The following ARHGEF37 variants were observed in gnomAD, a reference collection of about 807,000 sequenced individuals.
ARHGEF37 encodes Rho guanine nucleotide exchange factor 37, also known as Rho guanine nucleotide exchange factor (GEF) 37.
ARHGEF37 carries 55 observed loss-of-function variants against 71.1 expected under a neutral mutation model. That is an observed-to-expected ratio of 0.77 (90% CI 0.62 to 0.97). The LOEUF is 0.97. Ranked by LOEUF, ARHGEF37 falls within the 50% of genes least tolerant of loss-of-function variation. ARHGEF37 has a pLI of 0.00. For synonymous variants in ARHGEF37, 327 were observed against 350.6 expected (o/e 0.93, Z 0.75); for missense variants, 765 against 836.8 (o/e 0.91, Z 1.06).
intron 3 of ARHGEF37, 67 bp from the exon 4 acceptor site, chr5:149,609,481 C>A: frequency 6.3e-7 from 1 of 1,577,150 alleles, no homozygotes; most frequent in Non-Finnish European, 8.7e-7. Flanking sequence ...CTTACTGCCT[C>A]CCTGTTCCAA....
At chr5:149,575,483 C>A (rs986471377) in intron 1 of ARHGEF37, among the ~76,000 whole-genome samples, 1 of 152,148 alleles carries the variant, frequency 6.6e-6, no homozygotes, top group African/African-American at 2.4e-5. Flanking sequence ...TCCCTCTAGG[C>A]CAGTGATTGG....
At chr5:149,556,964 G>C (rs945344156) in intron 1 of ARHGEF37, among the ~76,000 whole-genome samples, 2 of 152,240 alleles carry the variant, frequency 1.3e-5, no homozygotes, top group African/African-American at 4.8e-5. Flanking sequence ...GTCTTGGATA[G>C]TGATGCCATT....
intron 1 of ARHGEF37, among the ~76,000 whole-genome samples, chr5:149,565,159 G>A (rs1423495318): frequency 2.6e-5 from 4 of 152,122 alleles, no homozygotes; most frequent in Non-Finnish European, 4.4e-5. Context: ...CCAAATTAGG[G>A]CACATCAATT....
intron 1 of ARHGEF37, among the ~76,000 whole-genome samples, chr5:149,555,247 A>G (rs1762738189): frequency 6.6e-6 from 1 of 152,104 alleles, no homozygotes; most frequent in South Asian, 2.1e-4. Context: ...AAAATTTTAG[A>G]CCTTGAGGGA....
In ARHGEF37 at chr5:149,628,842, A is replaced by C. The variant is rs1347514993; in HGVS notation, c.1694A>C (p.Gln565Pro). The change falls in exon 12 of 13, where the codon CAG becomes CCG. Residue 565 changes from glutamine to proline, a missense_variant. Physicochemically the swap from Gln to Pro is moderately conservative, Grantham distance 76. Around this residue, in one of 5 missense-constraint regions of ARHGEF37, gnomAD observed 390 missense variants for 407.4 expected, o/e 0.96. Coordinates refer to ENST00000333677, the MANE Select transcript of ARHGEF37 (RefSeq NM_001001669.3). The part of the protein sequence containing the change: ...HRGYVPAGKL[Q>P]LYHVVPSAEE... ...GGGTATGTGCCGGCTGGGAAACTAC[A>C]GCTGTACCATGTGGTCCCCAGTGCA... 1 of 1,613,586 alleles carries C rather than the reference A, an allele frequency of 6.2e-7. No homozygotes were observed. Among genetic ancestry groups the C allele is most frequent in the East Asian group, 2.2e-5 (1 of 44,898 alleles).
chr5:149,570,239 C>T (rs1214295807), intron 1 of ARHGEF37, among the ~76,000 whole-genome samples: 1 of 152,110 alleles, frequency 6.6e-6, no homozygotes, highest in Non-Finnish European at 1.5e-5. Flanking sequence ...AGTTATATGT[C>T]TCTATACTAG....
Position 149,590,877 on chromosome 5 carries a change from G to A in ARHGEF37, c.-11-6882G>A, listed in dbSNP as rs367751282. On this transcript the variant is annotated intron_variant, in intron 1 of 12. Transcript: ENST00000333677. ...TCCTCCCAAAGTTCTGGGATTATAG[G>A]TGTGTTCTGTAATTTAATTGAGGTG... Among the ~76,000 whole-genome samples the A allele has an allele frequency of 1.0e-3, 153 of 152,204 alleles. 2 individuals carry two copies. Among genetic ancestry groups the A allele is most frequent in the African/African-American group, 3.5e-3 (146 of 41,526 alleles).
chr5:149,626,284 ACACG>A (rs369306632), intron 10 of ARHGEF37, among the ~76,000 whole-genome samples: 14,565 of 139,604 alleles, frequency 0.1, 807 homozygotes, highest in Middle Eastern at 0.25. Flanking sequence ...ACACACACAC[ACACG>A]CCTCTCTCAA....
chr5:149,573,389 CTT>C (rs1762990185), intron 1 of ARHGEF37, among the ~76,000 whole-genome samples: 1 of 152,192 alleles, frequency 6.6e-6, no homozygotes, highest in African/African-American at 2.4e-5. Flanking sequence ...TGTATACACA[CTT>C]TGTTAGTTCT....
chr5:149,602,986 G>GT (rs1763802039), intron 3 of ARHGEF37, among the ~76,000 whole-genome samples: 1 of 152,084 alleles, frequency 6.6e-6, no homozygotes, highest in Non-Finnish European at 1.5e-5. Context: ...AGGCTGGAGT[G>GT]CGATGGCATG....
At chr5:149,615,603 T>A (rs1752354366) in intron 4 of ARHGEF37, among the ~76,000 whole-genome samples, 1 of 151,992 alleles carries the variant, frequency 6.6e-6, no homozygotes, top group Admixed American at 6.6e-5. Context: ...TTAAGAACAT[T>A]TTTTTTGGTC....
rs1425780525 is a variant in ARHGEF37, at chr5:149,623,976, T to C, written c.1336-36T>C. 3 of 1,565,530 alleles carry C rather than the reference T, an allele frequency of 1.9e-6. No homozygotes were observed. The Admixed American group carries it at 5.4e-5, about 28-fold the overall frequency. On this transcript the variant is annotated intron_variant, in intron 9 of 12. Transcript: ENST00000333677. Reference sequence around the variant, plus strand: ...AGCCAGGGATCTCATTGTCCCCTCTTGCCCAGCTCTGTTGACAGTGTCTGT... The same window carrying C: ...AGCCAGGGATCTCATTGTCCCCTCTCGCCCAGCTCTGTTGACAGTGTCTGT...
intron 3 of ARHGEF37, 138 bp from the exon 4 acceptor site, chr5:149,609,410 A>G (rs1764007660): frequency 2.2e-6 from 2 of 899,260 alleles, no homozygotes; most frequent in Non-Finnish European, 1.7e-6. Flanking sequence ...AGATGAGGTC[A>G]TTTGCCCATG....
chr5:149,595,346 CA>C (rs886807294), intron 1 of ARHGEF37, among the ~76,000 whole-genome samples: 2 of 151,890 alleles, frequency 1.3e-5, no homozygotes, highest in African/African-American at 2.4e-5. Context: ...TGACTAATTA[CA>C]AAAAAATTTT....
intron 1 of ARHGEF37, among the ~76,000 whole-genome samples, chr5:149,573,601 G>A (rs923346779): frequency 1.3e-5 from 2 of 152,078 alleles, no homozygotes; most frequent in African/African-American, 4.8e-5. Flanking sequence ...AATTGTGTGT[G>A]TGTGTTTACT....
Position 149,624,074 on chromosome 5 carries a change from G to A in ARHGEF37, c.1398G>A (p.Arg466=), listed in dbSNP as rs375970760. 1.4e-5 allele frequency: 23 copies of A among 1,611,992 alleles called. No homozygotes were observed. The African/African-American group carries it at 3.1e-4, about 22-fold the overall frequency. The change falls in exon 10 of 13, where the codon CGG becomes CGA. Residue 466 remains arginine, a synonymous_variant. Coordinates refer to ENST00000333677, the MANE Select transcript of ARHGEF37 (RefSeq NM_001001669.3). ...FRKLVEDALG[R]TSNQLRSFQE... The stretch of plus-strand genomic sequence containing the variant: ...AGCTGGTGGAGGACGCACTGGGCCG[G>A]ACGAGTAACCAGCTTCGCTCCTTTC...
chr5:149,627,164 G>C lies in ARHGEF37; in HGVS notation c.1553G>C (p.Ser518Thr). 1.2e-6 allele frequency: 2 copies of C among 1,614,180 alleles called. No homozygotes were observed. Among genetic ancestry groups the C allele is most frequent in the African/African-American group, 2.7e-5 (2 of 75,068 alleles). The change falls in exon 11 of 13, where the codon AGT becomes ACT. Residue 518 changes from serine to threonine, a missense_variant. Ser to Thr is a moderately conservative substitution (Grantham distance 58, BLOSUM62 1). Around this residue, in one of 5 missense-constraint regions of ARHGEF37, gnomAD observed 390 missense variants for 407.4 expected, o/e 0.96. Transcript: ENST00000333677. ...CTGTACCAGGTGACAAGCAACATCA[G>C]TGGGACTGGGACTCTGGACCTGACT... ...GKLYQVTSNISGTGTLDLTLP... is the reference protein window; with the variant it reads ...GKLYQVTSNITGTGTLDLTLP...
intron 1 of ARHGEF37, among the ~76,000 whole-genome samples, chr5:149,554,914 C>T (rs1762732576): frequency 6.6e-6 from 1 of 151,980 alleles, no homozygotes; most frequent in Non-Finnish European, 1.5e-5. Context: ...AGGCGGATCA[C>T]AAGGTCAGGA....
At chr5:149,554,138 G>A (rs547642996) in intron 1 of ARHGEF37, among the ~76,000 whole-genome samples, 332 of 152,150 alleles carry the variant, frequency 2.2e-3, no homozygotes, top group Non-Finnish European at 3.7e-3. Context: ...ACTGCACTCC[G>A]GCCTGGGCAA....
Sources: allele counts gnomAD v4.1 joint callset (sites outside exome capture counted in the v4.1 genomes callset), GRCh38; gene constraint gnomAD v4.1.1; regional missense constraint gnomAD v4.1.1; transcripts MANE v1.5; gene names NCBI Gene and HGNC (gene_info 2026-07-23, HGNC 2026-07-21).